ALS2: variants seen among roughly 807,000 people sequenced by gnomAD.
The protein encoded by ALS2 is alsin.
ALS2 carries 117 observed loss-of-function variants against 203.4 expected under a neutral mutation model. The ratio of observed to expected loss-of-function variants is 0.58; its 90% CI spans 0.50 to 0.67. The LOEUF (loss-of-function observed/expected upper bound fraction) is 0.67. Among genes scored for constraint, ALS2 ranks in the 30% least tolerant of loss-of-function variants. ALS2 has a pLI of 0.00. For missense variants in ALS2, 1,715 were observed against 1,989.4 expected (o/e 0.86, Z 2.62); for synonymous variants, 718 against 725.9 (o/e 0.99, Z 0.17).
In ALS2 at chr2:201,746,752, C is replaced by T. The variant is rs752789011; in HGVS notation, c.1816-4G>A. 6.2e-7 allele frequency: 1 copy of T among 1,614,058 alleles called. No homozygotes were observed. Among genetic ancestry groups the T allele is most frequent in the Admixed American group, 1.7e-5 (1 of 60,032 alleles). ...AGACTCCATTTTCACTGCTTATCTGCAACGACAGAAAGATAGTGTCTGTCC... is the reference window on the plus strand; with the variant it reads ...AGACTCCATTTTCACTGCTTATCTGTAACGACAGAAAGATAGTGTCTGTCC... On this transcript the variant is annotated splice_region_variant and splice_polypyrimidine_tract_variant and intron_variant, in intron 8 of 33. Coordinates refer to ENST00000264276, the MANE Select transcript of ALS2 (RefSeq NM_020919.4).
intron 17 of ALS2, 138 bp from the exon 18 acceptor site, chr2:201,727,004 G>T: frequency 1.1e-6 from 1 of 891,972 alleles, no homozygotes; most frequent in Non-Finnish European, 1.8e-6. Context: ...ATATTGACTG[G>T]CTCTTGTATT....
In ALS2 at chr2:201,726,711, C is replaced by T; in HGVS notation, c.3135G>A (p.Lys1045=). The T allele has an allele frequency of 6.2e-7, 1 of 1,614,138 alleles. No homozygotes were observed. Among genetic ancestry groups the T allele is most frequent in the Non-Finnish European group, 8.5e-7 (1 of 1,180,020 alleles). ...KYTFYKDPRL[K]DATYDGRWLS... ...GCCAGCGTCCATCATAGGTGGCATC[C>T]TTTAGGCGAGGATCCTTGTAGAAAG... Residue 1045 remains lysine, a synonymous_variant, in exon 18 of 34, where the codon AAG becomes AAA. Coordinates refer to ENST00000264276, the MANE Select transcript of ALS2 (RefSeq NM_020919.4).
chr2:201,705,219 A>T lies in ALS2; in HGVS notation c.4627-19T>A, dbSNP rs371317415. 6.2e-7 allele frequency: 1 copy of T among 1,612,328 alleles called. No individual in the cohort carries two copies. The highest frequency in any genetic ancestry group is 1.3e-5 in the African/African-American group (1 of 75,032). ...GCAAAACCTGCAAAAAAGAGAGTGA[A>T]GGTCAAGGAGGAAAACTATTTTCTG... On this transcript the variant is annotated intron_variant, in intron 30 of 33. Transcript: ENST00000264276.
intron 13 of ALS2, among the ~76,000 whole-genome samples, chr2:201,732,633 T>C (rs1358093311): frequency 6.6e-6 from 1 of 152,302 alleles, no homozygotes; most frequent in East Asian, 1.9e-4. Context: ...ATTATAATTT[T>C]TCTAGAGCCT....
intron 25 of ALS2, among the ~76,000 whole-genome samples, chr2:201,712,082 GA>G (rs35177036): frequency 0.049 from 7,391 of 150,930 alleles, 236 homozygotes; most frequent in Non-Finnish European, 0.067. Flanking sequence ...CCCAAATATA[GA>G]AAAAAAAATT....
At chr2:201,771,924 T>G (rs867411133) in intron 1 of ALS2, among the ~76,000 whole-genome samples, 1 of 152,202 alleles carries the variant, frequency 6.6e-6, no homozygotes, top group African/African-American at 2.4e-5. Flanking sequence ...TGATGTTGCA[T>G]AAACAGCATT....
chr2:201,738,435 G>A (rs1228445379), intron 12 of ALS2: 3 of 530,768 alleles, frequency 5.7e-6, no homozygotes, highest in African/African-American at 3.8e-5. Context: ...GGATAGCACA[G>A]AAGGACCCCG....
chr2:201,765,210 A>G (rs1694017012), intron 3 of ALS2, among the ~76,000 whole-genome samples: 1 of 152,074 alleles, frequency 6.6e-6, no homozygotes, highest in Non-Finnish European at 1.5e-5. Context: ...TATGTTGCCC[A>G]GGAAACATGG....
At chr2:201,751,884 C>T (rs898029532) in intron 7 of ALS2, among the ~76,000 whole-genome samples, 1 of 152,078 alleles carries the variant, frequency 6.6e-6, no homozygotes, top group Non-Finnish European at 1.5e-5. Flanking sequence ...CTACATTTAC[C>T]GGATACTCAA....
intron 4 of ALS2, chr2:201,760,052 A>G: frequency 1.0e-6 from 1 of 965,940 alleles, no homozygotes; most frequent in Non-Finnish European, 1.2e-6. Context: ...GCTGGGCATG[A>G]TGGCTCATGC....
intron 4 of ALS2, chr2:201,760,098 G>C (rs1027340723): frequency 1.2e-6 from 1 of 823,890 alleles, no homozygotes; most frequent in Non-Finnish European, 1.5e-6. Flanking sequence ...TGAGGTGGGA[G>C]GATTGCTTGA....
chr2:201,726,796 T>G lies in ALS2; in HGVS notation c.3050A>C (p.Tyr1017Ser), dbSNP rs770037464. ...ALRGMSDLPPYGSGSSVQRQE... is the reference protein window; with the variant it reads ...ALRGMSDLPPSGSGSSVQRQE... ...TCTCTGAACACTGCTACCACTTCCA[T>G]AAGGGGGGAGATCAGACATCCCTCT... The change falls in exon 18 of 34, where the codon TAT becomes TCT. Residue 1017 changes from tyrosine to serine, a missense_variant. Physicochemically the swap from Tyr to Ser is moderately radical, Grantham distance 144. This residue lies in a region of ALS2 where 1,227 missense variants were observed against 1,413.5 expected (regional missense o/e 0.87). Transcript: ENST00000264276. 6.2e-7 allele frequency: 1 copy of G among 1,614,112 alleles called. No homozygotes were observed. The highest frequency in any genetic ancestry group is 1.6e-4 in the Middle Eastern group (1 of 6,062).
chr2:201,757,339 G>A, intron 5 of ALS2, 63 bp downstream of exon 5: 1 of 1,293,562 alleles, frequency 7.7e-7, no homozygotes, highest in South Asian at 1.2e-5. Context: ...AATACAGCAT[G>A]CGATGTCAGG....
chr2:201,738,760 T>C lies in ALS2; in HGVS notation c.2352-25A>G, dbSNP rs1407437895. On this transcript the variant is annotated intron_variant, in intron 11 of 33. Coordinates refer to ENST00000264276, the MANE Select transcript of ALS2 (RefSeq NM_020919.4). ...CCTTGAGCAGAAAAGAAAACACATGTACATTAGTTGAAATGTAAATTAGTT... is the reference window on the plus strand; with the variant it reads ...CCTTGAGCAGAAAAGAAAACACATGCACATTAGTTGAAATGTAAATTAGTT... 1.9e-6 allele frequency: 3 copies of C among 1,586,522 alleles called. No homozygotes were observed. In the Admixed American group the frequency reaches 5.0e-5, roughly 26 times the overall value.
chr2:201,753,263 C>A (rs773818052), intron 6 of ALS2, 21 bp from the exon 7 acceptor site: 1 of 1,588,786 alleles, frequency 6.3e-7, no homozygotes, highest in South Asian at 1.1e-5. Context: ...AACACACAGG[C>A]ACACAAAGTC....
At chr2:201,748,919 G>T (rs933204516) in intron 8 of ALS2, among the ~76,000 whole-genome samples, 4 of 152,136 alleles carry the variant, frequency 2.6e-5, no homozygotes, top group Non-Finnish European at 4.4e-5. Context: ...TGACGTAATT[G>T]CCCTTCTTTA....
At chr2:201,743,193 T>G (rs1241641916) in intron 10 of ALS2, among the ~76,000 whole-genome samples, 1 of 151,108 alleles carries the variant, frequency 6.6e-6, no homozygotes, top group East Asian at 1.9e-4. Flanking sequence ...GGGCAAGGAG[T>G]GCAGGAGAGA....
At chr2:201,779,994 A>AT (rs1436275461) in intron 1 of ALS2, 21 of 152,376 alleles carry the variant, frequency 1.4e-4, no homozygotes, top group Admixed American at 1.2e-3. Context: ...CAGAATAAAC[A>AT]TATCACACAA....
intron 33 of ALS2, 89 bp downstream of exon 33, chr2:201,704,033 T>C (rs1689542285): frequency 3.5e-6 from 4 of 1,158,060 alleles, no homozygotes; most frequent in East Asian, 2.5e-5. Context: ...TAAACTTTTA[T>C]ACAAAAAAAG....
Sources: gnomAD v4.1 joint callset for allele counts (sites outside exome capture counted in the v4.1 genomes callset) on GRCh38, gnomAD v4.1.1 for gene constraint, gnomAD v4.1.1 regional missense constraint, MANE v1.5 for transcripts, NCBI Gene and HGNC (gene_info 2026-07-23, HGNC 2026-07-21) for gene names.